The following CHD9 variants were observed in gnomAD, a reference collection of about 807,000 sequenced individuals.
CHD9 encodes chromodomain helicase DNA binding protein 9.
A neutral mutation model predicts 316.1 loss-of-function variants in CHD9; 77 were observed. The ratio of observed to expected loss-of-function variants is 0.24; its 90% CI spans 0.20 to 0.29. The LOEUF (loss-of-function observed/expected upper bound fraction) is 0.29, where lower values mean the gene tolerates loss of function less well. Among genes scored for constraint, CHD9 ranks in the 10% least tolerant of loss-of-function variants. The pLI is 1.00. For synonymous variants in CHD9, 1,129 were observed against 1,158.3 expected (o/e 0.97, Z 0.51); for missense variants, 2,763 against 3,438.1 (o/e 0.80, Z 4.91).
chr16:53,226,972 A>G (rs1361529549), intron 5 of CHD9, among the ~76,000 whole-genome samples: 1 of 152,246 alleles, frequency 6.6e-6, no homozygotes, highest in Admixed American at 6.5e-5. Flanking sequence ...TGAATGCCAT[A>G]TGTGCTTCCC....
At position 53,113,817 on chromosome 16, in the gene CHD9, C is replaced by T. The variant is rs1258076073; in HGVS notation, c.-164-42109C>T. ...AACTCCTAGGCGTAAGCGATTCTCTCACCTCAGCCTCCTGAGTAGCTAGGA... is the reference window on the plus strand; with the variant it reads ...AACTCCTAGGCGTAAGCGATTCTCTTACCTCAGCCTCCTGAGTAGCTAGGA... On this transcript the variant is annotated intron_variant, in intron 1 of 38. Coordinates refer to ENST00000447540, the MANE Select transcript of CHD9 (RefSeq NM_001308319.2). Among the ~76,000 whole-genome samples the T allele has an allele frequency of 2.6e-5, 4 of 151,980 alleles. 1 individual carries two copies. Among genetic ancestry groups the T allele is most frequent in the African/African-American group, 9.7e-5 (4 of 41,354 alleles).
chr16:53,131,370 G>T (rs1341338946), intron 1 of CHD9: 2 of 150,452 alleles, frequency 1.3e-5, no homozygotes, highest in South Asian at 1.8e-4. Context: ...AGGGGCAGGC[G>T]GGGCGGCGCC....
chr16:53,307,800 G>T lies in CHD9; in HGVS notation c.6900G>T (p.Leu2300=), dbSNP rs1170903113. ...TGGCTTCTTTCTATACCACAAAACTGCTGGACAGCCCTGGAGCAGCTACAG... is the reference window on the plus strand; with the variant it reads ...TGGCTTCTTTCTATACCACAAAACTTCTGGACAGCCCTGGAGCAGCTACAG... ...NTVASFYTTK[L]LDSPGAATEY... Residue 2300 remains leucine (L), a synonymous_variant, in exon 33 of 39, where the codon CTG becomes CTT. Transcript: ENST00000447540. 2 of 1,613,532 alleles carry T rather than the reference G, an allele frequency of 1.2e-6. No homozygotes were observed. The highest frequency in any genetic ancestry group is 2.2e-5 in the East Asian group (1 of 44,864).
intron 15 of CHD9, 40 bp from the exon 16 acceptor site, chr16:53,247,252 CA>C: frequency 1.4e-6 from 2 of 1,392,904 alleles, no homozygotes; most frequent in Non-Finnish European, 2.0e-6. Flanking sequence ...GAATTTCCTG[CA>C]TTTGCACATT....
At chr16:53,147,797 T>C (rs936328784) in intron 1 of CHD9, among the ~76,000 whole-genome samples, 9 of 152,248 alleles carry the variant, frequency 5.9e-5, no homozygotes, top group African/African-American at 2.2e-4. Flanking sequence ...TGAGTGTTCA[T>C]GTACAAGTTC....
At chr16:53,296,890 A>T in intron 29 of CHD9, 66 bp from the exon 30 acceptor site, 1 of 994,398 alleles carries the variant, frequency 1.0e-6, no homozygotes, top group Non-Finnish European at 1.5e-6. Context: ...TATAGTCATT[A>T]TATTTAGTAT....
At position 53,245,996 on chromosome 16, in the gene CHD9, C is replaced by A; in HGVS notation, c.3454+146C>A. On this transcript the variant is annotated intron_variant, in intron 15 of 38. Coordinates refer to ENST00000447540, the MANE Select transcript of CHD9 (RefSeq NM_001308319.2). This position sits in a 1 kb window ranked among gnomAD's most constrained non-coding sequence, Gnocchi z 4.1. ...ATTACAAGTGTTACAGAATCAGAGG[C>A]AATGTGAACTGCTTTGTTACAGTGA... is the stretch of plus-strand genomic sequence containing the variant. The A allele has an allele frequency of 1.8e-6, 1 of 545,682 alleles. No homozygotes were observed. Among genetic ancestry groups the A allele is most frequent in the Non-Finnish European group, 2.9e-6 (1 of 340,308 alleles). 33.8% of individuals were successfully genotyped at this position (545,682 alleles called of 1,614,324 possible).
intron 2 of CHD9, among the ~76,000 whole-genome samples, chr16:53,204,630 A>T (rs549675748): frequency 6.6e-6 from 1 of 151,962 alleles, no homozygotes; most frequent in African/African-American, 2.4e-5. Flanking sequence ...TTAGGTCATG[A>T]CCTGTCTTTG....
chr16:53,101,959 G>A (rs76930149), intron 1 of CHD9, among the ~76,000 whole-genome samples: 1,613 of 152,314 alleles, frequency 0.011, 39 homozygotes, highest in Admixed American at 0.054. Flanking sequence ...GGACAACAGT[G>A]TAAGGAATGG....
chr16:53,268,199 TA>T (rs940547011), intron 22 of CHD9, 73 bp downstream of exon 22: 7 of 1,013,020 alleles, frequency 6.9e-6, no homozygotes, highest in African/African-American at 1.6e-5. Context: ...TATTCTCCTA[TA>T]AAATATAAAA....
Position 53,268,037 on chromosome 16 carries a change from A to G in CHD9, c.4628A>G (p.Tyr1543Cys). ...RALLAYCLVH[Y>C]RGDEKIKGFI... ...CTCTTAGCATATTGCCTTGTTCACT[A>G]CCGAGGAGATGAGAAGATTAAAGGT... Residue 1543 changes from tyrosine (Y) to cysteine (C), a missense_variant, in exon 22 of 39, where the codon TAC becomes TGC. This residue lies in a region of CHD9 where 99 missense variants were observed against 131.6 expected (regional missense o/e 0.75). Coordinates refer to ENST00000447540, the MANE Select transcript of CHD9 (RefSeq NM_001308319.2). 1 of 1,613,528 alleles carries G rather than the reference A, an allele frequency of 6.2e-7. No homozygotes were observed. The highest frequency in any genetic ancestry group is 1.1e-5 in the South Asian group (1 of 91,068).
intron 16 of CHD9, 116 bp downstream of exon 16, chr16:53,247,619 T>C: frequency 1.4e-6 from 1 of 718,786 alleles, no homozygotes; most frequent in Non-Finnish European, 2.3e-6. Context: ...ATTAGAATAA[T>C]GCATTCAAAT....
chr16:53,153,378 T>C (rs2041268664), intron 1 of CHD9, among the ~76,000 whole-genome samples: 1 of 152,162 alleles, frequency 6.6e-6, no homozygotes, highest in Non-Finnish European at 1.5e-5. Flanking sequence ...AAAGAATTAC[T>C]GGGGCAATGC....
chr16:53,300,434 G>A (rs1479690191), intron 30 of CHD9, among the ~76,000 whole-genome samples: 2 of 151,946 alleles, frequency 1.3e-5, no homozygotes, highest in African/African-American at 4.8e-5. Flanking sequence ...CACAAGTTTG[G>A]TTTTTTCAAA....
intron 1 of CHD9, among the ~76,000 whole-genome samples, chr16:53,139,321 A>G (rs8057569): frequency 0.24 from 36,852 of 152,058 alleles, 4,803 homozygotes; most frequent in Middle Eastern, 0.32. Context: ...AAGGCAAAGG[A>G]AGGGCCATAT....
intron 2 of CHD9, among the ~76,000 whole-genome samples, chr16:53,170,489 A>G (rs2152778718): frequency 6.6e-6 from 1 of 152,064 alleles, no homozygotes; most frequent in South Asian, 2.1e-4. Flanking sequence ...CCTGCCTTAG[A>G]CCTGGAATGA....
intron 1 of CHD9, among the ~76,000 whole-genome samples, chr16:53,139,121 GAT>G (rs144122570): frequency 0.032 from 4,933 of 152,208 alleles, 100 homozygotes; most frequent in Middle Eastern, 0.071. Context: ...AGAAGAGATA[GAT>G]ACAAAGATAG....
intron 2 of CHD9, among the ~76,000 whole-genome samples, chr16:53,189,923 G>GT (rs2044345280): frequency 6.6e-6 from 1 of 152,014 alleles, no homozygotes; most frequent in African/African-American, 2.4e-5. Context: ...TTTTGTACTT[G>GT]TTTTTTTGCA....
chr16:53,074,776 C>T (rs987733323), intron 1 of CHD9, among the ~76,000 whole-genome samples: 2 of 152,200 alleles, frequency 1.3e-5, no homozygotes. Flanking sequence ...CGCCTGGATG[C>T]CCAGGCAGAA....
Sources: allele counts gnomAD v4.1 joint callset (sites outside exome capture counted in the v4.1 genomes callset), GRCh38; gene constraint gnomAD v4.1.1; regional missense constraint gnomAD v4.1.1; non-coding constraint Gnocchi (gnomAD v3.1); transcripts MANE v1.5; gene names NCBI Gene and HGNC (gene_info 2026-07-23, HGNC 2026-07-21).